Variants in SBNO2 observed in about 807,000 individuals in gnomAD.
The protein encoded by SBNO2 is strawberry notch homolog 2.
SBNO2 carries 89 observed loss-of-function variants against 146.3 expected under a neutral mutation model. The observed-to-expected ratio is 0.61, with a 90% CI of 0.51 to 0.73. The LOEUF is 0.73. SBNO2 is among the 30% of genes least tolerant of loss of function. SBNO2 has a pLI of 0.00. For synonymous variants in SBNO2, 1,147 were observed against 892.6 expected (o/e 1.29, Z -5.08); for missense variants, 2,092 against 2,003.7 (o/e 1.04, Z -0.84).
Position 1,157,420 on chromosome 19 carries a change from C to G in SBNO2, c.-126-3018G>C, listed in dbSNP as rs189962909. On this transcript the variant is annotated intron_variant, in intron 1 of 31. Coordinates refer to ENST00000361757, the MANE Select transcript of SBNO2 (RefSeq NM_014963.3). This position sits in a 1 kb window ranked among gnomAD's most constrained non-coding sequence, Gnocchi z 6.8. ...GCTCTCCCCACGCGGCCCCGGAGAC[C>G]CTCTCCCCACGCGGCCCCGGTGACA... is the stretch of plus-strand genomic sequence containing the variant. Among the ~76,000 whole-genome samples, 61 of 135,970 alleles carry G rather than the reference C, an allele frequency of 4.5e-4. No homozygotes were observed. The South Asian group carries it at 8.3e-3, about 18-fold the overall frequency. 89.2% of individuals were successfully genotyped at this position (135,970 alleles called of 152,430 possible).
intron 12 of SBNO2, 30 bp downstream of exon 12, chr19:1,119,876 G>T: frequency 6.8e-7 from 1 of 1,477,720 alleles, no homozygotes; most frequent in South Asian, 1.2e-5. Context: ...GCTGCTGCGG[G>T]TGGGTCACGT....
Position 1,108,229 on chromosome 19 carries a change from A to G in SBNO2, c.4092T>C (p.Ala1364=), listed in dbSNP as rs1002887889. The change falls in exon 32 of 32, where the codon GCT becomes GCC. Residue 1364 remains alanine, a synonymous_variant. Coordinates refer to ENST00000361757, the MANE Select transcript of SBNO2 (RefSeq NM_014963.3). ...TTCGCCTAAAGGCGTGTCAGAGAGG[A>G]GCCTGGGCGCCGGGGAAGGGTGGGC... The part of the protein sequence containing the change: ...QFSPPFPGAQ[A]PL 6.5e-6 allele frequency: 10 copies of G among 1,526,870 alleles called. No individual in the cohort carries two copies. The highest frequency in any genetic ancestry group is 4.0e-5 in the Admixed American group (2 of 49,984). 94.6% of individuals were successfully genotyped at this position (1,526,870 alleles called of 1,614,324 possible). A position where few individuals can be genotyped will look rare whatever the true frequency, so the allele number is the denominator to read the frequency against.
In SBNO2 at chr19:1,112,792, G is replaced by A. The variant is rs373547919; in HGVS notation, c.2379+26C>T. ...CTGTGCCTCTTGGGTCCCGTGGGCC[G>A]CGCCCAGTGCACTGCAGCCCCGCAC... On this transcript the variant is annotated intron_variant, in intron 20 of 31. Transcript: ENST00000361757. The surrounding 1 kb of genome is among the most constrained non-coding windows in gnomAD (Gnocchi z 5.9). The A allele has an allele frequency of 2.9e-5, 45 of 1,547,732 alleles. No homozygotes were observed. The African/African-American group carries it at 4.3e-4, about 15-fold the overall frequency.
At chr19:1,162,525 C>G (rs1421223865) in intron 1 of SBNO2, among the ~76,000 whole-genome samples, 1 of 151,886 alleles carries the variant, frequency 6.6e-6, no homozygotes, top group African/African-American at 2.4e-5. Flanking sequence ...AGGTGGAAAT[C>G]TGGCTTCCTC....
intron 7 of SBNO2, 66 bp downstream of exon 7, chr19:1,123,468 G>T: frequency 7.2e-7 from 1 of 1,382,842 alleles, no homozygotes; most frequent in Non-Finnish European, 1.0e-6. Context: ...GTGGTCACCT[G>T]CAGGGTCTCG....
chr19:1,113,723 G>T lies in SBNO2; in HGVS notation c.2078-19C>A. The T allele has an allele frequency of 6.7e-7, 1 of 1,500,238 alleles. No homozygotes were observed. The highest frequency in any genetic ancestry group is 8.9e-7 in the Non-Finnish European group (1 of 1,126,626). The allele number at this position is 1,500,238 out of a possible 1,614,324, so 92.9% of individuals were successfully genotyped here. A position where few individuals can be genotyped will look rare whatever the true frequency, so the allele number is the denominator to read the frequency against. On this transcript the variant is annotated intron_variant, in intron 18 of 31. Transcript: ENST00000361757. Reference sequence around the variant, plus strand: ...AGGGGTCCTAGGGAGGAGGTGGAGGGTCAGGGCAGGACATGTTGGCTGCCT... The same window carrying T: ...AGGGGTCCTAGGGAGGAGGTGGAGGTTCAGGGCAGGACATGTTGGCTGCCT...
At chr19:1,111,775 G>A (rs560966999) in intron 23 of SBNO2, among the ~76,000 whole-genome samples, 161 bp from the exon 24 acceptor site, 1 of 70,938 alleles carries the variant, frequency 1.4e-5, no homozygotes, top group African/African-American at 5.4e-5. Context: ...CCTCCTCCCC[G>A]GGGGTCCTAG....
At position 1,122,858 on chromosome 19, in the gene SBNO2, G is replaced by A. The variant is rs1352610670; in HGVS notation, c.780+36C>T. The A allele has an allele frequency of 7.1e-6, 11 of 1,539,006 alleles. No individual in the cohort carries two copies. In the East Asian group the frequency reaches 2.7e-4, roughly 38 times the overall value. ...CCGGCCCCTCCCCAGGGGCCTCGCGGACACAGGCTGGGCTGGGTTGGGGAC... is the reference window on the plus strand; with the variant it reads ...CCGGCCCCTCCCCAGGGGCCTCGCGAACACAGGCTGGGCTGGGTTGGGGAC... On this transcript the variant is annotated intron_variant, in intron 8 of 31. Transcript: ENST00000361757.
intron 4 of SBNO2, among the ~76,000 whole-genome samples, chr19:1,129,879 G>A (rs554402933): frequency 6.6e-5 from 10 of 152,268 alleles, no homozygotes; most frequent in African/African-American, 2.4e-4. Flanking sequence ...AGAGGGAAGG[G>A]ACCTCAGGCA....
chr19:1,138,421 C>A (rs1465700581), intron 4 of SBNO2, among the ~76,000 whole-genome samples: 6 of 152,004 alleles, frequency 3.9e-5, no homozygotes, highest in Non-Finnish European at 7.4e-5. Context: ...ACCCCCCAGC[C>A]AGACCCAGTC....
intron 4 of SBNO2, among the ~76,000 whole-genome samples, chr19:1,134,324 A>C (rs2080066259): frequency 6.6e-6 from 1 of 151,676 alleles, no homozygotes; most frequent in African/African-American, 2.4e-5. Context: ...TCACGGGTGG[A>C]CCCACAGCTC....
intron 1 of SBNO2, among the ~76,000 whole-genome samples, chr19:1,155,739 C>T (rs930483921): frequency 4.6e-5 from 7 of 152,200 alleles, no homozygotes; most frequent in Admixed American, 1.3e-4. Context: ...ACCCCGGCCC[C>T]GTGTGCTGGT....
intron 16 of SBNO2, 93 bp downstream of exon 16, chr19:1,116,736 G>T: frequency 8.7e-7 from 1 of 1,148,412 alleles, no homozygotes; most frequent in Non-Finnish European, 1.2e-6. Flanking sequence ...CTGCTGCTGG[G>T]GCCAAGGGGC....
At position 1,109,634 on chromosome 19, in the gene SBNO2, T is replaced by TGGGG; in HGVS notation, c.3124-40_3124-37dup. The stretch of plus-strand genomic sequence containing the variant: ...ACGGGGTGGGGGGGTGTGAGTGTGG[T>TGGGG]GGGGGCGGGGTGGGCAGAGTGTGAG... On this transcript the variant is annotated intron_variant, in intron 27 of 31. Transcript: ENST00000361757. The surrounding 1 kb of genome is among the most constrained non-coding windows in gnomAD (Gnocchi z 4.2). 1 of 472,406 alleles carries TGGGG rather than the reference T, an allele frequency of 2.1e-6. No homozygotes were observed. The highest frequency in any genetic ancestry group is 3.4e-5 in the Admixed American group (1 of 29,438). 29.3% of individuals were successfully genotyped at this position (472,406 alleles called of 1,614,324 possible).
chr19:1,128,227 G>A (rs775906246), intron 4 of SBNO2: 6 of 497,820 alleles, frequency 1.2e-5, no homozygotes, highest in Admixed American at 6.2e-5. Flanking sequence ...AGCACCTGAA[G>A]GGCAGCAATG....
In SBNO2 at chr19:1,112,173, A is replaced by AC; in HGVS notation, c.2628+15dup. The AC allele has an allele frequency of 1.9e-6, 3 of 1,577,528 alleles. No individual in the cohort carries two copies. The highest frequency in any genetic ancestry group is 1.7e-6 in the Non-Finnish European group (2 of 1,160,674). ...GGGCCTGTCCCTGGTTCTCAGCCCC[A>AC]CCCCCACCTGCTCACCAGACTCTCC... On this transcript the variant is annotated intron_variant, in intron 22 of 31. Transcript: ENST00000361757. The surrounding 1 kb of genome is among the most constrained non-coding windows in gnomAD (Gnocchi z 5.9).
At chr19:1,167,093 G>T (rs1023063410) in intron 1 of SBNO2, among the ~76,000 whole-genome samples, 1 of 152,274 alleles carries the variant, frequency 6.6e-6, no homozygotes, top group Non-Finnish European at 1.5e-5. Flanking sequence ...CTTCGGGCTG[G>T]GCTTGAGGAC....
Position 1,108,303 on chromosome 19 carries a change from CCGCCCCCG to C in SBNO2, c.4010_4017del (p.Ala1337GlyfsTer32), listed in dbSNP as rs1400325971. The C allele has an allele frequency of 1.0e-5, 15 of 1,483,568 alleles. No individual in the cohort carries two copies. The highest frequency in any genetic ancestry group is 1.3e-5 in the Non-Finnish European group (15 of 1,113,006). The allele number at this position is 1,483,568 out of a possible 1,614,324, so 91.9% of individuals were successfully genotyped here. A position where few individuals can be genotyped will look rare whatever the true frequency, so the allele number is the denominator to read the frequency against. ...TCGGGACCACCGCCCGCCGCGCCCC[CCGCCCCCG>C]CGCCCTCCCCCAGCGCGCCCTCGGA... On this transcript the variant is annotated frameshift_variant, in exon 32 of 32. Coordinates refer to ENST00000361757, the MANE Select transcript of SBNO2 (RefSeq NM_014963.3). LOFTEE classifies it low-confidence loss of function (END_TRUNC).
rs1335467988 is a variant in SBNO2, at chr19:1,158,213, T to C, written c.-126-3811A>G. On this transcript the variant is annotated intron_variant, in intron 1 of 31. Transcript: ENST00000361757. The surrounding 1 kb of genome is among the most constrained non-coding windows in gnomAD (Gnocchi z 9.9). ...TGCGGACCCTCCCCCTGGGGGTCCC[T>C]GAGCACCTGTCGTGTGGAGCCCCTT... 6.6e-6 allele frequency among the ~76,000 whole-genome samples: 1 copy of C among 152,204 alleles called. No individual in the cohort carries two copies. Among genetic ancestry groups the C allele is most frequent in the African/African-American group, 2.4e-5 (1 of 41,464 alleles).
Sources: gnomAD v4.1 joint callset for allele counts (sites outside exome capture counted in the v4.1 genomes callset) on GRCh38, gnomAD v4.1.1 for gene constraint, Gnocchi (gnomAD v3.1) non-coding constraint, MANE v1.5 for transcripts, NCBI Gene and HGNC (gene_info 2026-07-23, HGNC 2026-07-21) for gene names.